Variants in COL19A1 observed in about 807,000 individuals in gnomAD.
The protein encoded by COL19A1 is collagen alpha-1(XIX) chain.
In COL19A1, 159 loss-of-function variants were observed where a neutral mutation model predicts 190.2. The observed-to-expected ratio is 0.84, with a 90% CI of 0.73 to 0.95. The LOEUF (loss-of-function observed/expected upper bound fraction) is 0.95. Ranked by LOEUF, COL19A1 falls within the 40% of genes least tolerant of loss-of-function variation. The pLI is 0.00. For missense variants in COL19A1, 1,418 were observed against 1,431.9 expected, an observed-to-expected ratio of 0.99 and a Z score of 0.16; for synonymous variants, 509 against 458.9, an observed-to-expected ratio of 1.11 and a Z score of -1.39.
intron 18 of COL19A1, among the ~76,000 whole-genome samples, chr6:70,137,254 T>C (rs1785926865): frequency 6.6e-6 from 1 of 152,126 alleles, no homozygotes; most frequent in Non-Finnish European, 1.5e-5. Context: ...AACTGCTGAC[T>C]CTGCCCACCT....
At chr6:70,043,783 A>C (rs1779759695) in intron 14 of COL19A1, among the ~76,000 whole-genome samples, 1 of 152,230 alleles carries the variant, frequency 6.6e-6, no homozygotes, top group Non-Finnish European at 1.5e-5. Flanking sequence ...CAGGCAGGGT[A>C]AATGTAGCAT....
rs1425675623 is a variant in COL19A1 at position 70,156,195 on chromosome 6, T to C, written c.2148T>C (p.Ala716=). The C allele has an allele frequency of 1.2e-6, 2 of 1,613,236 alleles. No homozygotes were observed. The highest frequency in any genetic ancestry group is 1.7e-6 in the Non-Finnish European group (2 of 1,179,586). Residue 716 remains alanine (A), a synonymous_variant, in exon 32 of 51, where the codon GCT becomes GCC. Coordinates refer to ENST00000620364, the MANE Select transcript of COL19A1 (RefSeq NM_001858.6). The stretch of plus-strand genomic sequence containing the variant: ...GCAACAAAGGAGAAGAAGGAGGTGC[T>C]GGTGAGCCTGGAAAGTATGATTCCA... The part of the protein sequence containing the change: ...LKSNKGEEGG[A]GEPGKYDSMA...
chr6:69,900,993 T>C (rs1008765965), intron 4 of COL19A1, among the ~76,000 whole-genome samples: 14 of 152,178 alleles, frequency 9.2e-5, no homozygotes, highest in Non-Finnish European at 5.9e-5. Context: ...TGATTTACCA[T>C]ATAGTTGGCA....
At chr6:69,895,169 G>A (rs771779399) in intron 2 of COL19A1, among the ~76,000 whole-genome samples, 7 of 152,144 alleles carry the variant, frequency 4.6e-5, no homozygotes, top group African/African-American at 1.4e-4. Flanking sequence ...CTAGCACTGC[G>A]TAGGGTGTGG....
intron 18 of COL19A1, among the ~76,000 whole-genome samples, chr6:70,135,311 T>C (rs1438524508): frequency 6.6e-6 from 1 of 152,162 alleles, no homozygotes; most frequent in African/African-American, 2.4e-5. Flanking sequence ...CATTTGTCAC[T>C]GGTGACCAAG....
intron 9 of COL19A1, among the ~76,000 whole-genome samples, chr6:69,956,068 C>T (rs73746828): frequency 0.01 from 1,565 of 151,842 alleles, 25 homozygotes; most frequent in African/African-American, 0.035. Flanking sequence ...TAAGAATGCC[C>T]ATCCTGCTTG....
chr6:70,130,171 T>A lies in COL19A1; in HGVS notation c.1342-11T>A, dbSNP rs1785435760. 1.2e-6 allele frequency: 2 copies of A among 1,610,634 alleles called. No homozygotes were observed. The highest frequency in any genetic ancestry group is 3.4e-5 in the Admixed American group (2 of 59,192). ...TTTTCTTTTGTATTTTAAATTGTTT[T>A]TCACCCCTAGGGAAATGATGAACAT... On this transcript the variant is annotated splice_polypyrimidine_tract_variant and intron_variant, in intron 17 of 50. Coordinates refer to ENST00000620364, the MANE Select transcript of COL19A1 (RefSeq NM_001858.6).
intron 13 of COL19A1, among the ~76,000 whole-genome samples, chr6:70,035,485 G>A (rs1779303816): frequency 6.6e-6 from 1 of 152,202 alleles, no homozygotes; most frequent in Admixed American, 6.5e-5. Flanking sequence ...CAGCTGGGAA[G>A]CATGAAATGG....
chr6:70,093,651 A>G (rs1397022416), intron 15 of COL19A1, among the ~76,000 whole-genome samples: 1 of 152,174 alleles, frequency 6.6e-6, no homozygotes, highest in African/African-American at 2.4e-5. Flanking sequence ...GGTAGTGAGA[A>G]GAAGAGAAGC....
At position 69,914,774 on chromosome 6, in the gene COL19A1, A is replaced by C. The variant is rs944762506; in HGVS notation, c.267-13135A>C. ...AAGAATTACCTCCGGAACCACTGTAATCAGTAATTAAACTTTTTAAACACT... is the reference window on the plus strand; with the variant it reads ...AAGAATTACCTCCGGAACCACTGTACTCAGTAATTAAACTTTTTAAACACT... On this transcript the variant is annotated intron_variant, in intron 4 of 50. Coordinates refer to ENST00000620364, the MANE Select transcript of COL19A1 (RefSeq NM_001858.6). Among the ~76,000 whole-genome samples, 3 of 152,210 alleles carry C rather than the reference A, an allele frequency of 2.0e-5. No individual in the cohort carries two copies. The South Asian group carries it at 6.2e-4, about 32-fold the overall frequency.
chr6:70,134,289 A>G (rs1311840227), intron 18 of COL19A1, among the ~76,000 whole-genome samples: 2 of 152,122 alleles, frequency 1.3e-5, no homozygotes, highest in Admixed American at 1.3e-4. Context: ...ATAATTTACT[A>G]TGTCTAGGAA....
At chr6:69,939,886 T>C (rs1179309843) in intron 9 of COL19A1, among the ~76,000 whole-genome samples, 1 of 152,162 alleles carries the variant, frequency 6.6e-6, no homozygotes, top group Non-Finnish European at 1.5e-5. Flanking sequence ...TACTATAAAG[T>C]GACACCAAAA....
chr6:70,041,677 A>G (rs1779639390), intron 14 of COL19A1, among the ~76,000 whole-genome samples: 1 of 152,188 alleles, frequency 6.6e-6, no homozygotes, highest in Non-Finnish European at 1.5e-5. Flanking sequence ...CTAAGCTATT[A>G]AATTCTGCAA....
At chr6:70,048,302 G>A (rs1171033661) in intron 14 of COL19A1, among the ~76,000 whole-genome samples, 1 of 151,996 alleles carries the variant, frequency 6.6e-6, no homozygotes, top group African/African-American at 2.4e-5. Flanking sequence ...TTCACATAAG[G>A]GAATTTTTGA....
At chr6:70,142,713 A>AT (rs1405184564) in intron 22 of COL19A1, 54 bp from the exon 23 acceptor site, 1 of 1,394,544 alleles carries the variant, frequency 7.2e-7, no homozygotes, top group Admixed American at 2.1e-5. Flanking sequence ...GGTACAATCT[A>AT]TCTTTTTTTT....
chr6:69,912,330 ATAT>A (rs1420700385), intron 4 of COL19A1, among the ~76,000 whole-genome samples: 1 of 152,116 alleles, frequency 6.6e-6, no homozygotes. Context: ...GATTTAAATG[ATAT>A]TATATTAACA....
intron 11 of COL19A1, among the ~76,000 whole-genome samples, chr6:70,018,810 G>C (rs1182055345): frequency 6.6e-6 from 1 of 152,120 alleles, no homozygotes. Flanking sequence ...AATGTGCCTG[G>C]AAATTATCCC....
intron 12 of COL19A1, among the ~76,000 whole-genome samples, chr6:70,030,502 AAT>A (rs1476851820): frequency 6.6e-6 from 1 of 152,074 alleles, no homozygotes; most frequent in Non-Finnish European, 1.5e-5. Context: ...TGCTGTACCT[AAT>A]GTTTCCTTCC....
intron 41 of COL19A1, 149 bp downstream of exon 41, chr6:70,172,166 G>C (rs901244799): frequency 2.0e-5 from 13 of 636,838 alleles, no homozygotes; most frequent in Non-Finnish European, 3.3e-5. Context: ...TTACATTCTA[G>C]CAAAAGGATA....
Sources: allele counts gnomAD v4.1 joint callset (sites outside exome capture counted in the v4.1 genomes callset), GRCh38; gene constraint gnomAD v4.1.1; transcripts MANE v1.5; gene names NCBI Gene and HGNC (gene_info 2026-07-23, HGNC 2026-07-21).